The following DSE variants were observed in gnomAD, a reference collection of about 807,000 sequenced individuals.
DSE encodes the protein dermatan sulfate epimerase.
In DSE, 36 loss-of-function variants were observed where a neutral mutation model predicts 84.4. The ratio of observed to expected loss-of-function variants is 0.43; its 90% confidence interval spans 0.33 to 0.56. The LOEUF is 0.56. Ranked by LOEUF, DSE falls within the 20% of genes least tolerant of loss-of-function variation. The pLI is 0.06. For missense variants in DSE, 862 were observed against 1,169.6 expected (o/e 0.74, Z 3.84); for synonymous variants, 410 against 430.1 (o/e 0.95, Z 0.58).
rs541221697 is a variant in DSE at position 116,258,999 on chromosome 6, A to G, written c.-54+32A>G. The G allele has an allele frequency of 1.9e-5, 28 of 1,496,934 alleles. No homozygotes were observed. The African/African-American group carries it at 3.4e-4, about 18-fold the overall frequency. The allele number at this position is 1,496,934 out of a possible 1,614,324, so 92.7% of individuals were successfully genotyped here. ...ACTTGGCATATTTCTCCTTCACTGC[A>G]ATGTAATCCTGCAGGGAAATGTCAC... On this transcript the variant is annotated intron_variant, in intron 2 of 3. Coordinates refer to the DSE transcript ENST00000430252.
At chr6:116,390,744 C>T (rs1164186898) in intron 1 of DSE, among the ~76,000 whole-genome samples, 1 of 152,004 alleles carries the variant, frequency 6.6e-6, no homozygotes, top group Non-Finnish European at 1.5e-5. Context: ...AAAGTGTAAC[C>T]GTTTCATTTT....
intron 2 of DSE, among the ~76,000 whole-genome samples, chr6:116,410,725 C>G (rs1583193340): frequency 1.1e-5 from 1 of 94,042 alleles, no homozygotes; most frequent in East Asian, 3.3e-4. Flanking sequence ...CAGAGCGAGA[C>G]TCTGTCTCAA....
intron 2 of DSE, among the ~76,000 whole-genome samples, chr6:116,311,124 T>C (rs1219920440): frequency 1.3e-5 from 2 of 152,236 alleles, no homozygotes; most frequent in Non-Finnish European, 2.9e-5. Context: ...TTTGCTCAAA[T>C]GCCACCTCTT....
In DSE at chr6:116,286,312, T is replaced by C. The variant is rs538396290; in HGVS notation, c.-54+27345T>C. On this transcript the variant is annotated intron_variant, in intron 2 of 3. Coordinates refer to the DSE transcript ENST00000430252. ...TGAATGGAAGGTGAACTCACTTTCT[T>C]AAAATGTGTAACCATCATTGATGTT... 2.6e-5 allele frequency among the ~76,000 whole-genome samples: 4 copies of C among 152,220 alleles called. No individual in the cohort carries two copies. The South Asian group carries it at 8.3e-4, about 32-fold the overall frequency.
At chr6:116,258,795 G>T in exon 2 of DSE, 3 of 1,609,428 alleles carry the variant, frequency 1.9e-6, no homozygotes, top group Non-Finnish European at 2.6e-6. Flanking sequence ...CCTGCAGAGG[G>T]TTCTCGCCTG....
chr6:116,436,239 G>A lies in DSE; in HGVS notation c.1771G>A (p.Asp591Asn). Residue 591 changes from aspartate to asparagine, a missense_variant, in exon 6 of 6, where the codon GAT (aspartate) becomes AAT (asparagine). This residue lies in a region of DSE where 186 missense variants were observed against 255.1 expected (regional missense o/e 0.73). Transcript: ENST00000644252. ...AGCAGCGAGCTTCTTCCATAATGTG[G>A]ATGTTCCTTTTGAGGAGACTGTGGT... Reference protein sequence around the residue: ...ETAASFFHNVDVPFEETVVDG... With the variant: ...ETAASFFHNVNVPFEETVVDG... 1 of 1,614,108 alleles carries A rather than the reference G, an allele frequency of 6.2e-7. No individual in the cohort carries two copies. The highest frequency in any genetic ancestry group is 8.5e-7 in the Non-Finnish European group (1 of 1,180,022).
intron 2 of DSE, among the ~76,000 whole-genome samples, chr6:116,337,084 A>G (rs1777296441): frequency 6.6e-6 from 1 of 152,178 alleles, no homozygotes; most frequent in African/African-American, 2.4e-5. Flanking sequence ...TTTTACTATC[A>G]TTATCCCTAT....
intron 2 of DSE, among the ~76,000 whole-genome samples, chr6:116,272,961 G>A (rs1772948318): frequency 6.6e-6 from 1 of 152,202 alleles, no homozygotes; most frequent in Admixed American, 6.5e-5. Context: ...CAGGCGCAAA[G>A]TAAGCTCTCA....
chr6:116,435,116 T>C (rs1432579696), intron 5 of DSE, among the ~76,000 whole-genome samples: 2 of 152,200 alleles, frequency 1.3e-5, no homozygotes, highest in Non-Finnish European at 2.9e-5. Context: ...AAAAAAATCT[T>C]GAGGGAGAAC....
chr6:116,362,239 C>G (rs775366296), intron 2 of DSE, among the ~76,000 whole-genome samples: 1 of 152,212 alleles, frequency 6.6e-6, no homozygotes, highest in Non-Finnish European at 1.5e-5. Flanking sequence ...TCTTCAAACT[C>G]AAAGGTACAT....
In DSE at chr6:116,319,998, T is replaced by C. The variant is rs1776206120; in HGVS notation, c.-54+61031T>C. Among the ~76,000 whole-genome samples the C allele has an allele frequency of 2.6e-5, 4 of 152,234 alleles. No individual in the cohort carries two copies. In the South Asian group the frequency reaches 8.3e-4, roughly 31 times the overall value. On this transcript the variant is annotated intron_variant, in intron 2 of 3. Transcript: ENST00000430252. ...AAAGATCCCCTTTTATGTGTTCTCATAGCACCTGATGCATTTTCTCAGGAT... is the reference window on the plus strand; with the variant it reads ...AAAGATCCCCTTTTATGTGTTCTCACAGCACCTGATGCATTTTCTCAGGAT...
chr6:116,296,225 AT>A (rs763458854), intron 2 of DSE, among the ~76,000 whole-genome samples: 28 of 152,282 alleles, frequency 1.8e-4, no homozygotes, highest in East Asian at 1.5e-3. Flanking sequence ...TCTCTACATT[AT>A]TCATCATATC....
chr6:116,410,593 G>A (rs962574857), intron 2 of DSE, among the ~76,000 whole-genome samples: 1 of 151,940 alleles, frequency 6.6e-6, no homozygotes, highest in East Asian at 1.9e-4. Context: ...AATTAGCTGG[G>A]TGTGGTGACA....
At chr6:116,389,260 G>A (rs190785395) in intron 1 of DSE, among the ~76,000 whole-genome samples, 1 of 152,230 alleles carries the variant, frequency 6.6e-6, no homozygotes, top group African/African-American at 2.4e-5. Context: ...TTTTACAGAG[G>A]AGGAAACAGG....
intron 2 of DSE, among the ~76,000 whole-genome samples, chr6:116,343,282 C>T (rs1777729153): frequency 6.6e-6 from 1 of 152,218 alleles, no homozygotes; most frequent in East Asian, 1.9e-4. Context: ...TGTCCAAAAG[C>T]TCTGAAGACA....
intron 2 of DSE, among the ~76,000 whole-genome samples, chr6:116,316,491 A>G (rs562104875): frequency 1.3e-5 from 2 of 152,242 alleles, no homozygotes; most frequent in African/African-American, 4.8e-5. Context: ...TAACAAGTGG[A>G]TAGTCTAAAC....
intron 2 of DSE, among the ~76,000 whole-genome samples, chr6:116,418,347 A>T (rs1782850811): frequency 6.6e-6 from 1 of 152,178 alleles, no homozygotes; most frequent in South Asian, 2.1e-4. Flanking sequence ...CTAGGGTTTG[A>T]TCACGAAGAG....
chr6:116,373,580 T>G (rs1779744509), intron 1 of DSE, among the ~76,000 whole-genome samples: 1 of 152,204 alleles, frequency 6.6e-6, no homozygotes, highest in South Asian at 2.1e-4. Flanking sequence ...CTTTAGTATT[T>G]ACGAAATTCG....
chr6:116,335,199 A>AAGGGACAAGATCATGTCCTTTGC (rs1460311011), intron 2 of DSE, among the ~76,000 whole-genome samples: 1 of 152,198 alleles, frequency 6.6e-6, no homozygotes, highest in East Asian at 1.9e-4. Context: ...CAGCCATAAA[A>AAGGGACAAGATCATGTCCTTTGC]AGGGACAAGA....
Sources: gnomAD v4.1 joint callset for allele counts (sites outside exome capture counted in the v4.1 genomes callset) on GRCh38, gnomAD v4.1.1 for gene constraint, gnomAD v4.1.1 regional missense constraint, MANE v1.5 for transcripts, NCBI Gene and HGNC (gene_info 2026-07-23, HGNC 2026-07-21) for gene names.